The following NAPB variants were observed in gnomAD, a reference collection of about 807,000 sequenced individuals.
NAPB encodes the protein beta-soluble NSF attachment protein.
In NAPB, 26 loss-of-function variants were observed where a neutral mutation model predicts 44.7. That is an observed-to-expected ratio of 0.58 (90% CI 0.43 to 0.81). The LOEUF (loss-of-function observed/expected upper bound fraction) is 0.81, where lower values mean the gene tolerates loss of function less well. Ranked by LOEUF, NAPB falls within the 30% of genes least tolerant of loss-of-function variation. The pLI, the probability that NAPB is intolerant of heterozygous loss-of-function variation, is 0.00. For missense variants in NAPB, 315 were observed against 356.4 expected, an observed-to-expected ratio of 0.88 and a Z score of 0.94; for synonymous variants, 120 against 116.8, an observed-to-expected ratio of 1.03 and a Z score of -0.18.
intron 7 of NAPB, among the ~76,000 whole-genome samples, chr20:23,388,562 A>G (rs1983702829): frequency 6.6e-6 from 1 of 152,210 alleles, no homozygotes; most frequent in South Asian, 2.1e-4. Context: ...AAGATGGATA[A>G]ATAGATCAAT....
At chr20:23,410,604 G>C (rs1001744494) in intron 1 of NAPB, among the ~76,000 whole-genome samples, 1 of 152,132 alleles carries the variant, frequency 6.6e-6, no homozygotes, top group African/African-American at 2.4e-5. Context: ...CTGGGTGACA[G>C]GATCATCTGT....
At position 23,407,834 on chromosome 20, in the gene NAPB, C is replaced by G. The variant is rs372920647; in HGVS notation, c.99-4762G>C. On this transcript the variant is annotated intron_variant, in intron 1 of 10. Transcript: ENST00000377026. ...CCAGTGAACAGCAGAGCTGTGAAAA[C>G]CAATTCATCTTCAAATAATCTAAAA... Among the ~76,000 whole-genome samples, 88 of 152,294 alleles carry G rather than the reference C, an allele frequency of 5.8e-4. No homozygotes were observed. In the South Asian group the frequency reaches 0.018, roughly 31 times the overall value.
chr20:23,409,446 G>A (rs770474818), intron 1 of NAPB, among the ~76,000 whole-genome samples: 6 of 152,102 alleles, frequency 3.9e-5, no homozygotes, highest in Non-Finnish European at 8.8e-5. Flanking sequence ...TTTATATGGG[G>A]AGTAGTCATC....
At chr20:23,412,077 G>A (rs1568621726) in intron 1 of NAPB, among the ~76,000 whole-genome samples, 1 of 152,148 alleles carries the variant, frequency 6.6e-6, no homozygotes, top group South Asian at 2.1e-4. Flanking sequence ...AAATAACCCT[G>A]ACATCTCCCA....
At chr20:23,421,156 T>G in intron 1 of NAPB, 149 bp downstream of exon 1, 2 of 598,428 alleles carry the variant, frequency 3.3e-6, no homozygotes, top group African/African-American at 2.0e-5. Flanking sequence ...CCCTACAGGA[T>G]TTCTGGAGGG....
chr20:23,379,120 C>G, intron 10 of NAPB: 1 of 205,082 alleles, frequency 4.9e-6, no homozygotes, highest in Non-Finnish European at 9.7e-6. Flanking sequence ...CTGGCCTTAA[C>G]TAATTTTACT....
intron 2 of NAPB, among the ~76,000 whole-genome samples, chr20:23,401,640 G>A (rs1023585245): frequency 4.6e-5 from 7 of 152,186 alleles, no homozygotes; most frequent in African/African-American, 1.7e-4. Context: ...CAGCACTTTG[G>A]GAGGCCGAGG....
Position 23,395,149 on chromosome 20 carries a change from T to C in NAPB, c.332A>G (p.Tyr111Cys). 3 of 1,614,220 alleles carry C rather than the reference T, an allele frequency of 1.9e-6. No individual in the cohort carries two copies. Among genetic ancestry groups the C allele is most frequent in the Non-Finnish European group, 2.5e-6 (3 of 1,180,026 alleles). Residue 111 changes from tyrosine (Y) to cysteine (C), a missense_variant, in exon 4 of 11, where the codon TAC (tyrosine) becomes TGC (cysteine). Transcript: ENST00000377026. ...INCLNAAIDI[Y>C]TDMGRFTIAA... is the part of the protein sequence containing the mutation. ...AATGCAATGTCTTACCATGTCTGTG[T>C]AAATGTCGATGGCTGCATTTAAGCA...
intron 7 of NAPB, among the ~76,000 whole-genome samples, chr20:23,388,530 T>C (rs1983699342): frequency 6.6e-6 from 1 of 152,162 alleles, no homozygotes; most frequent in South Asian, 2.1e-4. Context: ...GTTACAGATA[T>C]AAACAGTGTA....
intron 3 of NAPB, 69 bp downstream of exon 3, chr20:23,397,003 A>G: frequency 6.7e-7 from 1 of 1,501,468 alleles, no homozygotes; most frequent in Non-Finnish European, 9.1e-7. Context: ...CACTGACCTT[A>G]ACGTTGAGGG....
At chr20:23,401,689 T>C (rs938319143) in intron 2 of NAPB, among the ~76,000 whole-genome samples, 1 of 152,186 alleles carries the variant, frequency 6.6e-6, no homozygotes, top group Non-Finnish European at 1.5e-5. Flanking sequence ...CAGACCACCC[T>C]GGGCAACATG....
rs527854732 is a variant in NAPB, at chr20:23,391,644, T to C, written c.421-1380A>G. On this transcript the variant is annotated intron_variant, in intron 5 of 10. Transcript: ENST00000377026. ...CTTTGTTGCAACTACTCAGCTCTCT[T>C]GTGGTAGCATAAAAGCAGCCATACA... is the stretch of plus-strand genomic sequence containing the variant. 9.8e-5 allele frequency among the ~76,000 whole-genome samples: 15 copies of C among 152,316 alleles called. No individual in the cohort carries two copies. In the South Asian group the frequency reaches 3.1e-3, roughly 32 times the overall value.
At chr20:23,385,119 AAAACAAAC>A (rs1006679333) in intron 7 of NAPB, among the ~76,000 whole-genome samples, 1 of 136,816 alleles carries the variant, frequency 7.3e-6, no homozygotes, top group Admixed American at 7.6e-5. Flanking sequence ...ACTCTGTCTC[AAAACAAAC>A]AAACAAAAAA....
chr20:23,417,388 C>A (rs558239556), intron 1 of NAPB, among the ~76,000 whole-genome samples: 1 of 152,250 alleles, frequency 6.6e-6, no homozygotes, highest in African/African-American at 2.4e-5. Flanking sequence ...CTGGCCTCCA[C>A]TGTCAGTCTT....
intron 8 of NAPB, 148 bp from the exon 9 acceptor site, chr20:23,380,083 A>AG: frequency 1.7e-6 from 1 of 587,018 alleles, no homozygotes; most frequent in Non-Finnish European, 3.0e-6. Context: ...CAACATAGAA[A>AG]ATCTTTCTAT....
intron 3 of NAPB, among the ~76,000 whole-genome samples, chr20:23,395,519 T>C (rs1215923587): frequency 1.3e-5 from 2 of 152,200 alleles, no homozygotes; most frequent in Non-Finnish European, 2.9e-5. Context: ...CACTGATAAA[T>C]TGTATCTGCT....
intron 1 of NAPB, among the ~76,000 whole-genome samples, chr20:23,407,723 G>A (rs1404652849): frequency 6.7e-6 from 1 of 149,460 alleles, no homozygotes; most frequent in Non-Finnish European, 1.5e-5. Context: ...CAAGCTTCAC[G>A]GCCAGAAGGG....
At chr20:23,392,650 A>G (rs1041915955) in intron 5 of NAPB, among the ~76,000 whole-genome samples, 4 of 151,664 alleles carry the variant, frequency 2.6e-5, no homozygotes, top group African/African-American at 9.7e-5. Context: ...AGCCTGTGGA[A>G]CAGAATGAGG....
At chr20:23,378,632 G>A (rs1337774017) in intron 10 of NAPB, among the ~76,000 whole-genome samples, 1 of 149,322 alleles carries the variant, frequency 6.7e-6, no homozygotes, top group East Asian at 2.0e-4. Flanking sequence ...AGTAAAGATG[G>A]TGTTTTGCCA....
Sources: gnomAD v4.1 joint callset for allele counts (sites outside exome capture counted in the v4.1 genomes callset) on GRCh38, gnomAD v4.1.1 for gene constraint, MANE v1.5 for transcripts, NCBI Gene and HGNC (gene_info 2026-07-23, HGNC 2026-07-21) for gene names.